Variants in AEBP2 observed in about 807,000 individuals in gnomAD.
AEBP2 encodes the protein AE binding protein 2.
A neutral mutation model predicts 50.8 loss-of-function variants in AEBP2; 10 were observed. The ratio of observed to expected loss-of-function variants is 0.20; its 90% confidence interval spans 0.12 to 0.33. The LOEUF is 0.33. AEBP2 is among the 10% of genes least tolerant of loss of function. The probability of loss-of-function intolerance (pLI) is 1.00; values close to 1 mark genes in which losing one functional copy is unlikely to be tolerated. For missense variants in AEBP2, 570 were observed against 688.0 expected, an observed-to-expected ratio of 0.83 and a Z score of 1.92; for synonymous variants, 296 against 261.3, an observed-to-expected ratio of 1.13 and a Z score of -1.28.
rs1368251208 is a variant in AEBP2 at position 19,520,657 on chromosome 12, G to T, written c.*2540G>T. ...TTGTCCAGAATTTATGTATTGTTCAGCATCAAGCAAACTACAGCTCACAAG... is the reference window on the plus strand; with the variant it reads ...TTGTCCAGAATTTATGTATTGTTCATCATCAAGCAAACTACAGCTCACAAG... On this transcript the variant is annotated 3_prime_UTR_variant, in exon 8 of 8. Coordinates refer to ENST00000266508, the MANE Select transcript of AEBP2 (RefSeq NM_153207.5). The T allele has an allele frequency of 6.6e-6, 1 of 152,100 alleles. No homozygotes were observed. The highest frequency in any genetic ancestry group is 1.5e-5 in the Non-Finnish European group (1 of 68,024). 9.4% of individuals were successfully genotyped at this position (152,100 alleles called of 1,614,324 possible). A position where few individuals can be genotyped will look rare whatever the true frequency, so the allele number is the denominator to read the frequency against.
intron 1 of AEBP2, among the ~76,000 whole-genome samples, chr12:19,460,135 G>T (rs150367567): frequency 7.6e-4 from 115 of 152,216 alleles, no homozygotes; most frequent in African/African-American, 2.7e-3. Flanking sequence ...CTTGAGCCTG[G>T]TAGGTCAAGG....
At chr12:19,437,987 T>C (rs375631545), upstream of AEBP2, among the ~76,000 whole-genome samples, 4 of 152,210 alleles carry the variant, frequency 2.6e-5, no homozygotes, top group African/African-American at 9.6e-5. Flanking sequence ...GGCCTGAAAA[T>C]GTGTCCTTGG....
chr12:19,456,539 C>T lies in AEBP2; in HGVS notation c.672-5971C>T, dbSNP rs544637207. ...CAGCAAACTTGCATGCAGTGTGAGCCGTGTGGCAATCCAGTACAGGGGCAT... is the reference window on the plus strand; with the variant it reads ...CAGCAAACTTGCATGCAGTGTGAGCTGTGTGGCAATCCAGTACAGGGGCAT... On this transcript the variant is annotated intron_variant, in intron 1 of 7. Coordinates refer to ENST00000266508, the MANE Select transcript of AEBP2 (RefSeq NM_153207.5). The T allele has an allele frequency of 4.4e-5, 68 of 1,530,256 alleles. No individual in the cohort carries two copies. In the South Asian group the frequency reaches 4.5e-4, roughly 10 times the overall value. The allele number at this position is 1,530,256 out of a possible 1,614,324, so 94.8% of individuals were successfully genotyped here. A position where few individuals can be genotyped will look rare whatever the true frequency, so the allele number is the denominator to read the frequency against.
At chr12:19,455,799 C>T (rs1948259573) in intron 1 of AEBP2, among the ~76,000 whole-genome samples, 1 of 152,136 alleles carries the variant, frequency 6.6e-6, no homozygotes, top group South Asian at 2.1e-4. Flanking sequence ...TCAGGTTGCT[C>T]CCTAAATATT....
At chr12:19,517,729 C>T (rs1287924360) in intron 7 of AEBP2, among the ~76,000 whole-genome samples, 1 of 152,206 alleles carries the variant, frequency 6.6e-6, no homozygotes, top group African/African-American at 2.4e-5. Context: ...TCTTGAACTC[C>T]TGGGCTCAAG....
intron 1 of AEBP2, among the ~76,000 whole-genome samples, chr12:19,451,424 C>G (rs759291789): frequency 6.6e-6 from 1 of 152,148 alleles, no homozygotes; most frequent in African/African-American, 2.4e-5. Context: ...ATGTTCTTCA[C>G]GGGATCTGTT....
chr12:19,473,645 A>G (rs1387155931), intron 3 of AEBP2, among the ~76,000 whole-genome samples: 1 of 152,100 alleles, frequency 6.6e-6, no homozygotes, highest in Non-Finnish European at 1.5e-5. Context: ...ACCTCAGGTG[A>G]TTCTCCCGCC....
At position 19,522,143 on chromosome 12, in the gene AEBP2, ATATG is replaced by A. The variant is rs1338836796; in HGVS notation, c.*4030_*4033del. Reference sequence around the variant, plus strand: ...ATTTCTCTATTCTAAAAATTACAGAATATGTATTCATAAAAGGGAAGAAATTGTT... The same window carrying A: ...ATTTCTCTATTCTAAAAATTACAGAATATTCATAAAAGGGAAGAAATTGTT... On this transcript the variant is annotated 3_prime_UTR_variant, in exon 8 of 8. Transcript: ENST00000266508. The A allele has an allele frequency of 6.6e-6, 1 of 152,124 alleles. No homozygotes were observed. Among genetic ancestry groups the A allele is most frequent in the Non-Finnish European group, 1.5e-5 (1 of 68,008 alleles). The allele number at this position is 152,124 out of a possible 1,614,324, so 9.4% of individuals were successfully genotyped here.
At chr12:19,468,599 T>G (rs887759014) in intron 2 of AEBP2, among the ~76,000 whole-genome samples, 1 of 152,232 alleles carries the variant, frequency 6.6e-6, no homozygotes, top group African/African-American at 2.4e-5. Flanking sequence ...CATTTATCTA[T>G]ATTATCATAC....
chr12:19,410,933 G>A (rs2153363204), intron 1 of AEBP2, among the ~76,000 whole-genome samples: 1 of 152,292 alleles, frequency 6.6e-6, no homozygotes, highest in African/African-American at 2.4e-5. Context: ...GTGCTAAAAT[G>A]CGTAATTGGT....
rs1949363592 is a variant in AEBP2, at chr12:19,519,136, G to C, written c.*1019G>C. Reference sequence around the variant, plus strand: ...TCGATTTTTTTTAACTTACAGAAATGGAAATATGTGTAACTTGTTAGTATT... The same window carrying C: ...TCGATTTTTTTTAACTTACAGAAATCGAAATATGTGTAACTTGTTAGTATT... On this transcript the variant is annotated 3_prime_UTR_variant, in exon 8 of 8. Coordinates refer to ENST00000266508, the MANE Select transcript of AEBP2 (RefSeq NM_153207.5). 6.6e-6 allele frequency: 1 copy of C among 152,578 alleles called. No homozygotes were observed. Among genetic ancestry groups the C allele is most frequent in the South Asian group, 2.1e-4 (1 of 4,826 alleles). The allele number at this position is 152,578 out of a possible 1,614,324, so 9.5% of individuals were successfully genotyped here. A position where few individuals can be genotyped will look rare whatever the true frequency, so the allele number is the denominator to read the frequency against.
chr12:19,408,450 G>A (rs561167909), intron 1 of AEBP2, among the ~76,000 whole-genome samples: 105 of 151,710 alleles, frequency 6.9e-4, no homozygotes, highest in South Asian at 5.6e-3. Context: ...TTGGGAGGCT[G>A]AGACAGGAGA....
chr12:19,480,969 G>T (rs1246123947), intron 3 of AEBP2, among the ~76,000 whole-genome samples: 1 of 151,864 alleles, frequency 6.6e-6, no homozygotes, highest in African/African-American at 2.4e-5. Context: ...ATTTCGTGGA[G>T]ACTTTGTTAA....
chr12:19,438,705 A>T (rs1002575869), upstream of AEBP2, among the ~76,000 whole-genome samples: 49 of 152,354 alleles, frequency 3.2e-4, no homozygotes, highest in African/African-American at 1.2e-3. Context: ...CGATCAAAAT[A>T]GTTCAAATAT....
chr12:19,435,102 T>C (rs1287787393), upstream of AEBP2, among the ~76,000 whole-genome samples: 5 of 152,002 alleles, frequency 3.3e-5, no homozygotes, highest in African/African-American at 1.2e-4. Flanking sequence ...CATACCTTTA[T>C]TAAAATATCT....
At position 19,439,968 on chromosome 12, in the gene AEBP2, C is replaced by G. The variant is rs1205952267; in HGVS notation, c.269C>G (p.Ala90Gly). The change falls in exon 1 of 8, where the codon GCC becomes GGC. Residue 90 changes from alanine to glycine, a missense_variant. By Grantham distance (60) the Ala-to-Gly change is moderately conservative. This residue lies in a region of AEBP2 where 386 missense variants were observed against 336.8 expected (regional missense o/e 1.15). Transcript: ENST00000266508. ...ATGTCGGAGCCGAGCCCCGAGAGCG[C>G]CAGCCAGGCCGGGGAGGACGAAGAC... ...ETMSEPSPES[A>G]SQAGEDEDEE... is the part of the protein sequence containing the mutation. 3.9e-6 allele frequency: 6 copies of G among 1,519,636 alleles called. No individual in the cohort carries two copies. The highest frequency in any genetic ancestry group is 3.6e-5 in the South Asian group (3 of 83,284). The allele number at this position is 1,519,636 out of a possible 1,614,324, so 94.1% of individuals were successfully genotyped here.
chr12:19,434,124 C>T (rs1261708590), intron 1 of AEBP2, among the ~76,000 whole-genome samples: 1 of 151,876 alleles, frequency 6.6e-6, no homozygotes, highest in Non-Finnish European at 1.5e-5. Context: ...GGATTATAGG[C>T]ATGAGCCACT....
In AEBP2 at chr12:19,440,144, A is replaced by G. The variant is rs1164099075; in HGVS notation, c.445A>G (p.Ser149Gly). 1 of 1,504,606 alleles carries G rather than the reference A, an allele frequency of 6.6e-7. No homozygotes were observed. Among genetic ancestry groups the G allele is most frequent in the Non-Finnish European group, 8.8e-7 (1 of 1,133,658 alleles). The allele number at this position is 1,504,606 out of a possible 1,614,324, so 93.2% of individuals were successfully genotyped here. Residue 149 changes from serine to glycine, a missense_variant, in exon 1 of 8, where the codon AGC becomes GGC. By Grantham distance (56) the Ser-to-Gly change is moderately conservative. Transcript: ENST00000266508. ...SLSPGAASSS[S>G]GDGDGKEGLE... Reference sequence around the variant, plus strand: ...GAGCCCCGGCGCCGCCAGCAGCAGCAGCGGGGATGGGGACGGCAAGGAGGG... The same window carrying G: ...GAGCCCCGGCGCCGCCAGCAGCAGCGGCGGGGATGGGGACGGCAAGGAGGG...
At chr12:19,482,311 G>A (rs1238459132) in intron 3 of AEBP2, among the ~76,000 whole-genome samples, 2 of 152,192 alleles carry the variant, frequency 1.3e-5, no homozygotes, top group African/African-American at 4.8e-5. Context: ...GCTGGAGGTG[G>A]CAGGGGAGTG....
Sources: allele counts gnomAD v4.1 joint callset (sites outside exome capture counted in the v4.1 genomes callset), GRCh38; gene constraint gnomAD v4.1.1; regional missense constraint gnomAD v4.1.1; transcripts MANE v1.5; gene names NCBI Gene and HGNC (gene_info 2026-07-23, HGNC 2026-07-21).